The following RGS6 variants were observed in gnomAD, a reference collection of about 807,000 sequenced individuals.
The protein encoded by RGS6 is regulator of G protein signaling 6, also known as regulator of G-protein signaling 6.
Under a neutral mutation model 78.5 loss-of-function variants are expected in RGS6, and 30 were observed. The ratio of observed to expected loss-of-function variants is 0.38; its 90% CI spans 0.29 to 0.52. RGS6 has a LOEUF of 0.52. RGS6 is among the 20% of genes least tolerant of loss of function. The pLI, the probability that RGS6 is intolerant of heterozygous loss-of-function variation, is 0.85. For missense variants in RGS6, 495 were observed against 609.7 expected (o/e 0.81, Z 1.98); for synonymous variants, 206 against 206.0 (o/e 1.00, Z 0.00).
At chr14:72,290,675 T>C (rs2063428197) in intron 2 of RGS6, among the ~76,000 whole-genome samples, 1 of 152,176 alleles carries the variant, frequency 6.6e-6, no homozygotes, top group Non-Finnish European at 1.5e-5. Flanking sequence ...AGGAAGAAAC[T>C]AGGCATATAG....
At chr14:72,316,896 A>AGAGTGTGT (rs1491353997) in intron 2 of RGS6, among the ~76,000 whole-genome samples, 8 of 141,816 alleles carry the variant, frequency 5.6e-5, no homozygotes, top group South Asian at 4.8e-4. Flanking sequence ...AAGCAGGTGA[A>AGAGTGTGT]GTGTGTGTGT....
At chr14:72,504,360 C>G (rs1261214172) in intron 13 of RGS6, among the ~76,000 whole-genome samples, 1 of 152,216 alleles carries the variant, frequency 6.6e-6, no homozygotes, top group Non-Finnish European at 1.5e-5. Flanking sequence ...AAGAGCCAAC[C>G]TGCACCTTCA....
intron 3 of RGS6, among the ~76,000 whole-genome samples, chr14:72,358,392 C>G (rs1286090986): frequency 6.6e-6 from 1 of 152,244 alleles, no homozygotes; most frequent in African/African-American, 2.4e-5. Flanking sequence ...GCTGCAGACA[C>G]TAAACACCAG....
chr14:71,996,947 T>G (rs1204339027), intron 2 of RGS6, among the ~76,000 whole-genome samples: 2 of 152,054 alleles, frequency 1.3e-5, no homozygotes, highest in Non-Finnish European at 2.9e-5. Context: ...CAGAGCTGAA[T>G]GGTGAGAATA....
At chr14:72,619,227 C>T in the RGS6 span, 11 of 1,446,424 alleles carry the variant, frequency 7.6e-6, no homozygotes, top group Admixed American at 2.1e-5. Flanking sequence ...GGGAGGAGGG[C>T]GCGTTCTGGT....
chr14:72,158,740 A>G (rs1048741964), intron 2 of RGS6, among the ~76,000 whole-genome samples: 4 of 152,234 alleles, frequency 2.6e-5, no homozygotes, highest in Admixed American at 6.5e-5. Context: ...GGATGAATTC[A>G]TTTACCAAAC....
At chr14:72,279,726 G>A (rs143828656) in intron 2 of RGS6, among the ~76,000 whole-genome samples, 13 of 152,334 alleles carry the variant, frequency 8.5e-5, no homozygotes, top group East Asian at 1.9e-4. Flanking sequence ...GTGATTTGGC[G>A]ATGGGGTGTT....
chr14:72,294,862 G>A (rs931842506), intron 2 of RGS6, among the ~76,000 whole-genome samples: 1 of 152,050 alleles, frequency 6.6e-6, no homozygotes, highest in African/African-American at 2.4e-5. Flanking sequence ...TCCAACATGG[G>A]GGATTACAAC....
At chr14:72,082,359 CTT>C (rs1168974824) in intron 2 of RGS6, among the ~76,000 whole-genome samples, 2 of 151,948 alleles carry the variant, frequency 1.3e-5, no homozygotes, top group African/African-American at 2.4e-5. Context: ...TCTTTTACCT[CTT>C]TGGTTATATT....
At chr14:72,446,737 C>T (rs908536838) in intron 3 of RGS6, among the ~76,000 whole-genome samples, 3 of 152,110 alleles carry the variant, frequency 2.0e-5, no homozygotes, top group African/African-American at 7.2e-5. Flanking sequence ...ACTAGACAGT[C>T]GCACCTGGGG....
chr14:71,918,184 C>CAAAAA, the RGS6 span, among the ~76,000 whole-genome samples: 25 of 33,724 alleles, frequency 7.4e-4, 5 homozygotes, highest in Non-Finnish European at 1.1e-3. Flanking sequence ...ACTCCAGTCT[C>CAAAAA]AAAAAAAAAA....
At chr14:72,483,447 T>G (rs1209801400) in intron 12 of RGS6, among the ~76,000 whole-genome samples, 1 of 152,178 alleles carries the variant, frequency 6.6e-6, no homozygotes, top group Non-Finnish European at 1.5e-5. Context: ...TCCCTGAAAT[T>G]GGATGCTGGT....
At chr14:72,127,520 T>A (rs2096225798) in intron 2 of RGS6, among the ~76,000 whole-genome samples, 1 of 152,216 alleles carries the variant, frequency 6.6e-6, no homozygotes, top group Non-Finnish European at 1.5e-5. Flanking sequence ...GAGAACACGT[T>A]ACTGATTTAA....
At chr14:72,030,679 G>C (rs11846804) in intron 2 of RGS6, among the ~76,000 whole-genome samples, 1 of 152,186 alleles carries the variant, frequency 6.6e-6, no homozygotes, top group Non-Finnish European at 1.5e-5. Flanking sequence ...TAAGTGGAGC[G>C]TAAATGCTTT....
Position 72,432,661 on chromosome 14 carries a change from C to T in RGS6, c.185-21867C>T, listed in dbSNP as rs559758027. On this transcript the variant is annotated intron_variant, in intron 3 of 17. Transcript: ENST00000553525. ...TCCTGTCCATCCCACCTCCTTCAGG[C>T]GGTAGAACAGAAGAAGGGTCTTCAT... Among the ~76,000 whole-genome samples, 47 of 152,336 alleles carry T rather than the reference C, an allele frequency of 3.1e-4. 1 individual carries two copies. The highest frequency in any genetic ancestry group is 9.9e-4 in the African/African-American group (41 of 41,570).
chr14:71,889,556 C>T, the RGS6 span, among the ~76,000 whole-genome samples: 2 of 152,072 alleles, frequency 1.3e-5, no homozygotes, highest in Admixed American at 6.5e-5. Context: ...AAGGACACTT[C>T]ACTGAGTGGG....
chr14:72,008,822 G>GAAA (rs1156817420), intron 2 of RGS6, among the ~76,000 whole-genome samples: 1 of 152,104 alleles, frequency 6.6e-6, no homozygotes, highest in African/African-American at 2.4e-5. Flanking sequence ...ATACTATGTA[G>GAAA]AAAAAAACTG....
At chr14:72,613,033 T>C in the RGS6 span, among the ~76,000 whole-genome samples, 1 of 150,936 alleles carries the variant, frequency 6.6e-6, no homozygotes, top group Non-Finnish European at 1.5e-5. Flanking sequence ...TGTGTGTGTA[T>C]GTGCGTGCGT....
chr14:72,295,903 T>C (rs1247045348), intron 2 of RGS6, among the ~76,000 whole-genome samples: 2 of 152,236 alleles, frequency 1.3e-5, no homozygotes, highest in Admixed American at 1.3e-4. Context: ...TACAGTGAAA[T>C]ACATAGCTTT....
Sources: gnomAD v4.1 joint callset for allele counts (sites outside exome capture counted in the v4.1 genomes callset) on GRCh38, gnomAD v4.1.1 for gene constraint, MANE v1.5 for transcripts, NCBI Gene and HGNC (gene_info 2026-07-23, HGNC 2026-07-21) for gene names.